HYCC2: variants seen among roughly 807,000 people sequenced by gnomAD.
HYCC2 encodes the protein hyccin PI4KA lipid kinase complex subunit 2.
the HYCC2 span, chr2:201,045,718 C>T: frequency 5.2e-6 from 2 of 387,584 alleles, no homozygotes; most frequent in Non-Finnish European, 9.1e-6. Context: ...ATTATAGATC[C>T]AAAACATTTC....
chr2:201,036,813 G>A, the HYCC2 span, among the ~76,000 whole-genome samples: 3 of 152,148 alleles, frequency 2.0e-5, no homozygotes, highest in Non-Finnish European at 4.4e-5. Context: ...AAAACTGGAA[G>A]CATTCCCTTT....
At chr2:201,054,654 G>A in the HYCC2 span, among the ~76,000 whole-genome samples, 1 of 152,068 alleles carries the variant, frequency 6.6e-6, no homozygotes. Flanking sequence ...TAGTGACATA[G>A]GGGTGGAGGG....
At chr2:201,017,216 G>A in the HYCC2 span, 1 of 1,425,218 alleles carries the variant, frequency 7.0e-7, no homozygotes, top group Admixed American at 2.4e-5. Flanking sequence ...TCTTTTGGTT[G>A]TAACTGTTGT....
At chr2:201,020,333 C>A in the HYCC2 span, among the ~76,000 whole-genome samples, 1 of 152,104 alleles carries the variant, frequency 6.6e-6, no homozygotes, top group Non-Finnish European at 1.5e-5. Flanking sequence ...TTGATGAACA[C>A]ACTGAGAGTA....
At chr2:201,066,285 G>A in the HYCC2 span, among the ~76,000 whole-genome samples, 1,715 of 152,158 alleles carry the variant, frequency 0.011, 17 homozygotes, top group Non-Finnish European at 0.017. Flanking sequence ...TGTTGGCCAG[G>A]CTGGTCTCGA....
At chr2:201,050,787 T>C in the HYCC2 span, among the ~76,000 whole-genome samples, 2 of 151,424 alleles carry the variant, frequency 1.3e-5, no homozygotes, top group Non-Finnish European at 2.9e-5. Flanking sequence ...ATATAAAAAT[T>C]AGCCAGGTGT....
At chr2:201,059,711 T>G in the HYCC2 span, among the ~76,000 whole-genome samples, 1 of 152,110 alleles carries the variant, frequency 6.6e-6, no homozygotes, top group East Asian at 1.9e-4. Flanking sequence ...CCCATAGTAC[T>G]CAACATCTTA....
chr2:200,979,704 C>G, the HYCC2 span: 6 of 152,570 alleles, frequency 3.9e-5, no homozygotes, highest in African/African-American at 1.4e-4. Context: ...ACTGATAGCT[C>G]TGATGTATTC....
the HYCC2 span, among the ~76,000 whole-genome samples, chr2:201,044,987 G>T: frequency 6.6e-6 from 1 of 152,224 alleles, no homozygotes; most frequent in South Asian, 2.1e-4. Flanking sequence ...AATAGCCAGT[G>T]ATGGTTTTGC....
the HYCC2 span, among the ~76,000 whole-genome samples, chr2:201,037,581 A>G: frequency 2.0e-5 from 3 of 152,226 alleles, no homozygotes; most frequent in Non-Finnish European, 4.4e-5. Context: ...CCTCAGAAAT[A>G]ATGCCACATA....
At chr2:201,005,016 C>CAA in the HYCC2 span, among the ~76,000 whole-genome samples, 1,153 of 56,338 alleles carry the variant, frequency 0.02, 32 homozygotes, top group Non-Finnish European at 0.03. Flanking sequence ...GACTCCATCT[C>CAA]AAAAAAAAAA....
chr2:200,992,776 C>G, the HYCC2 span: 1 of 715,902 alleles, frequency 1.4e-6, no homozygotes. Flanking sequence ...CAAGATAAGC[C>G]CATCATGGAA....
At chr2:201,001,233 A>G in the HYCC2 span, among the ~76,000 whole-genome samples, 1 of 151,980 alleles carries the variant, frequency 6.6e-6, no homozygotes, top group African/African-American at 2.4e-5. Context: ...GGTGCCATCT[A>G]TGAGGCAGAG....
At chr2:201,063,455 G>T in the HYCC2 span, 12 of 1,591,340 alleles carry the variant, frequency 7.5e-6, 1 homozygote, top group Non-Finnish European at 9.4e-6. Context: ...TCACCTAAGA[G>T]ATTATTTTGA....
the HYCC2 span, among the ~76,000 whole-genome samples, chr2:201,048,032 G>A: frequency 6.6e-6 from 1 of 152,050 alleles, no homozygotes; most frequent in East Asian, 1.9e-4. Context: ...GCTCAGTTCT[G>A]GGGCATAAAA....
At chr2:201,010,849 TA>T in the HYCC2 span, among the ~76,000 whole-genome samples, 1 of 149,830 alleles carries the variant, frequency 6.7e-6, no homozygotes, top group Non-Finnish European at 1.5e-5. Flanking sequence ...CTAATGAGAG[TA>T]AAAAATGATG....
At chr2:201,009,394 G>T in the HYCC2 span, 3 of 232,878 alleles carry the variant, frequency 1.3e-5, no homozygotes, top group Non-Finnish European at 2.6e-5. Context: ...CCATTTTAAT[G>T]TCTATATTCC....
the HYCC2 span, among the ~76,000 whole-genome samples, chr2:201,052,983 C>G: frequency 2.0e-5 from 3 of 152,194 alleles, no homozygotes; most frequent in African/African-American, 4.8e-5. Flanking sequence ...GTGTCCAGAA[C>G]TTACACAGGG....
chr2:201,000,319 G>T, the HYCC2 span, among the ~76,000 whole-genome samples: 61 of 151,694 alleles, frequency 4.0e-4, no homozygotes, highest in South Asian at 0.012. Flanking sequence ...GGGTTCTAGG[G>T]TGCAGGCTGC....
Sources: allele counts gnomAD v4.1 joint callset (sites outside exome capture counted in the v4.1 genomes callset), GRCh38; gene constraint gnomAD v4.1.1; transcripts MANE v1.5; gene names NCBI Gene and HGNC (gene_info 2026-07-23, HGNC 2026-07-21).